HEATR1: variants seen among roughly 807,000 people sequenced by gnomAD.
The protein encoded by HEATR1 is HEAT repeat-containing protein 1.
HEATR1 carries 77 observed loss-of-function variants against 248.2 expected under a neutral mutation model. The ratio of observed to expected loss-of-function variants is 0.31; its 90% confidence interval spans 0.26 to 0.37. The LOEUF (loss-of-function observed/expected upper bound fraction) is 0.37. Ranked by LOEUF, HEATR1 falls within the 10% of genes least tolerant of loss-of-function variation. The pLI is 1.00. For synonymous variants in HEATR1, 897 were observed against 923.1 expected (o/e 0.97, Z 0.51); for missense variants, 2,420 against 2,504.9 (o/e 0.97, Z 0.72).
Position 236,550,200 on chromosome 1 carries a change from G to C in HEATR1, c.*702C>G, listed in dbSNP as rs1390629161. On this transcript the variant is annotated 3_prime_UTR_variant, in exon 45 of 45. Transcript: ENST00000366582. ...GGAACTGGGTTCATTCTGAATCCTG[G>C]AGGAGCTTCCTCGTGCCACCCAGTG... 1 of 152,186 alleles carries C rather than the reference G, an allele frequency of 6.6e-6. No homozygotes were observed. The highest frequency in any genetic ancestry group is 1.9e-4 in the East Asian group (1 of 5,196). 9.4% of individuals were successfully genotyped at this position (152,186 alleles called of 1,614,324 possible).
chr1:236,591,355 A>C (rs1558190566), intron 11 of HEATR1, among the ~76,000 whole-genome samples: 1 of 152,204 alleles, frequency 6.6e-6, no homozygotes, highest in Non-Finnish European at 1.5e-5. Context: ...AACTTAGTTC[A>C]CTTACGCAAT....
At chr1:236,600,823 C>T (rs1572056131) in intron 3 of HEATR1, among the ~76,000 whole-genome samples, 1 of 152,224 alleles carries the variant, frequency 6.6e-6, no homozygotes, top group East Asian at 1.9e-4. Context: ...GCGTGAGCCA[C>T]TGAACCCAGC....
At chr1:236,599,035 GTTATCC>G (rs1664249290) in intron 4 of HEATR1, among the ~76,000 whole-genome samples, 1 of 152,124 alleles carries the variant, frequency 6.6e-6, no homozygotes, top group Non-Finnish European at 1.5e-5. Flanking sequence ...AACCCCTGAA[GTTATCC>G]TTATCCTTTT....
intron 4 of HEATR1, 122 bp from the exon 5 acceptor site, chr1:236,598,101 C>T: frequency 1.8e-6 from 1 of 565,540 alleles, no homozygotes; most frequent in Non-Finnish European, 3.1e-6. Context: ...ATAATCTCTC[C>T]TTATAACTGG....
chr1:236,591,664 A>T (rs567145281), intron 11 of HEATR1, among the ~76,000 whole-genome samples: 9 of 152,298 alleles, frequency 5.9e-5, no homozygotes, highest in South Asian at 2.1e-4. Flanking sequence ...TGGAAAGCAT[A>T]GACCTAGATG....
At chr1:236,572,316 A>G in intron 26 of HEATR1, 95 bp downstream of exon 26, 3 of 1,343,922 alleles carry the variant, frequency 2.2e-6, no homozygotes, top group Non-Finnish European at 3.1e-6. Context: ...CAGACTATCT[A>G]AACAAGAGAA....
At chr1:236,569,607 C>G (rs1215625511) in intron 28 of HEATR1, among the ~76,000 whole-genome samples, 1 of 152,152 alleles carries the variant, frequency 6.6e-6, no homozygotes, top group Non-Finnish European at 1.5e-5. Flanking sequence ...TTCACACCCA[C>G]TAGAATGGCG....
intron 41 of HEATR1, among the ~76,000 whole-genome samples, 175 bp downstream of exon 41, chr1:236,555,121 G>C (rs6668716): frequency 0.6 from 90,689 of 152,052 alleles, 28,271 homozygotes; most frequent in Non-Finnish European, 0.69. Flanking sequence ...ATTCGCTCAT[G>C]ATGCTAAAAC....
chr1:236,581,773 G>T (rs1663752047), intron 19 of HEATR1, among the ~76,000 whole-genome samples: 1 of 152,194 alleles, frequency 6.6e-6, no homozygotes, highest in Non-Finnish European at 1.5e-5. Context: ...TGACCACTGG[G>T]CCTGGCAACA....
chr1:236,591,707 C>T (rs1664042356), intron 11 of HEATR1, among the ~76,000 whole-genome samples: 1 of 150,874 alleles, frequency 6.6e-6, no homozygotes, highest in African/African-American at 2.4e-5. Flanking sequence ...CTACATGAGG[C>T]CGTCCTCTGA....
chr1:236,584,238 G>C (rs1262286930), intron 17 of HEATR1, among the ~76,000 whole-genome samples: 1 of 151,992 alleles, frequency 6.6e-6, no homozygotes, highest in Admixed American at 6.6e-5. Flanking sequence ...TTAACACTGA[G>C]AACCAGTATA....
chr1:236,584,845 G>C (rs554664367), intron 17 of HEATR1, among the ~76,000 whole-genome samples, 180 bp downstream of exon 17: 2 of 152,026 alleles, frequency 1.3e-5, no homozygotes, highest in Non-Finnish European at 2.9e-5. Flanking sequence ...TAAACTTTCC[G>C]CAAAAGCAAG....
Position 236,558,331 on chromosome 1 carries a change from T to C in HEATR1, c.5110A>G (p.Arg1704Gly). 1.9e-6 allele frequency: 3 copies of C among 1,614,162 alleles called. No individual in the cohort carries two copies. The highest frequency in any genetic ancestry group is 2.5e-6 in the Non-Finnish European group (3 of 1,180,018). The change falls in exon 36 of 45, where the codon AGA becomes GGA. Residue 1704 changes from arginine to glycine, a missense_variant. Transcript: ENST00000366582. ...NTAVKLIAPE[R>G]KEEKNVLGSA... ...CCCAGGACATTCTTCTCCTCCTTTC[T>C]CTCTGGAGCAATCAGTTTCACAGCA...
intron 19 of HEATR1, 88 bp downstream of exon 19, chr1:236,582,648 C>G (rs766550519): frequency 3.6e-6 from 5 of 1,384,884 alleles, no homozygotes; most frequent in Non-Finnish European, 3.1e-6. Flanking sequence ...AGTGATCCGC[C>G]TGCCTCGGCC....
chr1:236,565,900 A>G lies in HEATR1; in HGVS notation c.4435+19T>C. 6.2e-7 allele frequency: 1 copy of G among 1,606,756 alleles called. No homozygotes were observed. Among genetic ancestry groups the G allele is most frequent in the Non-Finnish European group, 8.5e-7 (1 of 1,176,660 alleles). Reference sequence around the variant, plus strand: ...TAGCTTTCAGATTGAACAGTAAGTGACACCCGATCTACGCTTACCTTCTTT... The same window carrying G: ...TAGCTTTCAGATTGAACAGTAAGTGGCACCCGATCTACGCTTACCTTCTTT... On this transcript the variant is annotated intron_variant, in intron 31 of 44. Coordinates refer to ENST00000366582, the MANE Select transcript of HEATR1 (RefSeq NM_018072.6).
At chr1:236,556,507 A>C (rs1662982972) in intron 37 of HEATR1, among the ~76,000 whole-genome samples, 2 of 152,248 alleles carry the variant, frequency 1.3e-5, no homozygotes, top group Non-Finnish European at 2.9e-5. Context: ...GCACCCAGAC[A>C]GATGATTTTC....
rs779409817 is a variant in HEATR1, at chr1:236,556,081, A to C, written c.5514+19T>G. ...CACCTCTCCCTTCTCCAAAGTCTTA[A>C]TACCCAATAAGATCTAACCTTCCAG... On this transcript the variant is annotated intron_variant, in intron 38 of 44. Transcript: ENST00000366582. 1 of 1,614,050 alleles carries C rather than the reference A, an allele frequency of 6.2e-7. No homozygotes were observed. Among genetic ancestry groups the C allele is most frequent in the East Asian group, 2.2e-5 (1 of 44,888 alleles).
rs61375816 is a variant in HEATR1, at chr1:236,597,945, A to G, written c.536T>C (p.Ile179Thr). 3.3e-4 allele frequency: 529 copies of G among 1,613,762 alleles called. 1 individual carries two copies. The African/African-American group carries it at 6.5e-3, about 20-fold the overall frequency. Residue 179 changes from isoleucine (I) to threonine (T), a missense_variant, in exon 5 of 45, where the codon ATT (isoleucine) becomes ACT (threonine). By Grantham distance (89) the Ile-to-Thr change is moderately conservative. Transcript: ENST00000366582. The stretch of plus-strand genomic sequence containing the variant: ...TCCAAGATCTTTGTAGCAGTGGGTA[A>G]TCAAAGTTCCTTTAGCTAACGGCAC... ...SGVPLAKGTL[I>T]THCYKDLGFM...
chr1:236,595,211 A>C (rs1384143623), intron 8 of HEATR1, among the ~76,000 whole-genome samples: 1 of 151,652 alleles, frequency 6.6e-6, no homozygotes, highest in Admixed American at 6.6e-5. Flanking sequence ...ACTAAAGTTC[A>C]TTAAATACCT....
Sources: allele counts gnomAD v4.1 joint callset (sites outside exome capture counted in the v4.1 genomes callset), GRCh38; gene constraint gnomAD v4.1.1; transcripts MANE v1.5; gene names NCBI Gene and HGNC (gene_info 2026-07-23, HGNC 2026-07-21).